The following TMC7 variants were observed in gnomAD, a reference collection of about 807,000 sequenced individuals.
The protein encoded by TMC7 is transmembrane channel-like protein 7.
In TMC7, 54 loss-of-function variants were observed where a neutral mutation model predicts 82.9. The ratio of observed to expected loss-of-function variants is 0.65; its 90% confidence interval spans 0.52 to 0.82. The LOEUF (loss-of-function observed/expected upper bound fraction) is 0.82. TMC7 is among the 40% of genes least tolerant of loss of function. The probability of loss-of-function intolerance (pLI) is 0.00; values close to 1 mark genes in which losing one functional copy is unlikely to be tolerated. For missense variants in TMC7, 820 were observed against 901.2 expected (o/e 0.91, Z 1.15); for synonymous variants, 350 against 337.9 (o/e 1.04, Z -0.39).
intron 6 of TMC7, among the ~76,000 whole-genome samples, chr16:19,033,227 GA>G (rs1222246492): frequency 1.3e-5 from 2 of 152,170 alleles, no homozygotes; most frequent in African/African-American, 2.4e-5. Flanking sequence ...GCAGGTGAAT[GA>G]AATCTTAGCA....
intron 3 of TMC7, among the ~76,000 whole-genome samples, chr16:19,018,109 G>A (rs938466211): frequency 1.3e-5 from 2 of 152,192 alleles, no homozygotes; most frequent in African/African-American, 4.8e-5. Flanking sequence ...TTGCACTCCA[G>A]CCTGGGTAAC....
chr16:18,991,647 A>T (rs941748407), intron 1 of TMC7, among the ~76,000 whole-genome samples: 5 of 152,144 alleles, frequency 3.3e-5, no homozygotes, highest in Admixed American at 3.3e-4. Flanking sequence ...CAGGTTTGTT[A>T]CATATGTATA....
chr16:19,008,017 A>G (rs2039272193), intron 1 of TMC7, among the ~76,000 whole-genome samples: 1 of 152,230 alleles, frequency 6.6e-6, no homozygotes, highest in Non-Finnish European at 1.5e-5. Flanking sequence ...TCACAAAGAC[A>G]TACAGCTAAT....
intron 1 of TMC7, among the ~76,000 whole-genome samples, chr16:18,985,201 G>A (rs888594521): frequency 5.9e-5 from 9 of 151,682 alleles, no homozygotes; most frequent in East Asian, 1.9e-4. Flanking sequence ...GGAGGTTGCA[G>A]TGAGCCGAGA....
In TMC7 at chr16:18,984,144, G is replaced by C; in HGVS notation, c.67+14G>C. On this transcript the variant is annotated intron_variant, in intron 1 of 15. Coordinates refer to ENST00000304381, the MANE Select transcript of TMC7 (RefSeq NM_024847.4). Reference sequence around the variant, plus strand: ...CGGTCCATCCAGGTAGGGCGGCAGGGAGCGCGCGCGGGGACGGTGCCCCTG... The same window carrying C: ...CGGTCCATCCAGGTAGGGCGGCAGGCAGCGCGCGCGGGGACGGTGCCCCTG... 3 of 1,491,200 alleles carry C rather than the reference G, an allele frequency of 2.0e-6. No homozygotes were observed. Among genetic ancestry groups the C allele is most frequent in the Non-Finnish European group, 2.7e-6 (3 of 1,128,328 alleles). 92.4% of individuals were successfully genotyped at this position (1,491,200 alleles called of 1,614,324 possible). A position where few individuals can be genotyped will look rare whatever the true frequency, so the allele number is the denominator to read the frequency against.
At chr16:19,056,245 C>T (rs912836071) in intron 13 of TMC7, among the ~76,000 whole-genome samples, 2 of 151,798 alleles carry the variant, frequency 1.3e-5, no homozygotes, top group African/African-American at 4.8e-5. Context: ...ACCACCATGC[C>T]CGGCTAATTT....
At chr16:18,998,066 CA>C (rs2142138636) in intron 1 of TMC7, among the ~76,000 whole-genome samples, 1 of 152,144 alleles carries the variant, frequency 6.6e-6, no homozygotes, top group East Asian at 1.9e-4. Context: ...TTTAGTAGAA[CA>C]CAGCCATGCT....
intron 1 of TMC7, among the ~76,000 whole-genome samples, chr16:19,007,500 G>A (rs559434499): frequency 7.9e-5 from 12 of 152,144 alleles, no homozygotes; most frequent in Non-Finnish European, 1.3e-4. Flanking sequence ...CTCTTCTGCC[G>A]CTGGGCCTTT....
intron 1 of TMC7, among the ~76,000 whole-genome samples, chr16:18,988,016 A>T (rs1229103427): frequency 6.6e-6 from 1 of 151,992 alleles, no homozygotes; most frequent in Non-Finnish European, 1.5e-5. Flanking sequence ...TTTTAGCTGG[A>T]CCTTGTTTTT....
intron 3 of TMC7, among the ~76,000 whole-genome samples, chr16:19,019,010 C>T (rs533448700): frequency 6.6e-6 from 1 of 152,194 alleles, no homozygotes; most frequent in East Asian, 1.9e-4. Context: ...GCCACCAGGC[C>T]GGCTAATTTT....
chr16:19,027,061 C>CTTT (rs35769515), intron 5 of TMC7, among the ~76,000 whole-genome samples: 5,058 of 56,520 alleles, frequency 0.089, 1,292 homozygotes, highest in Non-Finnish European at 0.11. Context: ...CACACCTGAC[C>CTTT]TTTTTTTTTT....
intron 3 of TMC7, among the ~76,000 whole-genome samples, chr16:19,018,656 G>A (rs1290385769): frequency 6.6e-6 from 1 of 152,068 alleles, no homozygotes; most frequent in East Asian, 1.9e-4. Flanking sequence ...TACAAAATTA[G>A]CCAGGCACAG....
At chr16:19,050,494 TC>T (rs1238770037) in intron 12 of TMC7, among the ~76,000 whole-genome samples, 4 of 151,940 alleles carry the variant, frequency 2.6e-5, no homozygotes, top group African/African-American at 9.7e-5. Context: ...CTCTCATCCT[TC>T]TTTTTTCTTT....
chr16:18,992,865 C>T (rs2038976638), intron 1 of TMC7, among the ~76,000 whole-genome samples: 1 of 152,088 alleles, frequency 6.6e-6, no homozygotes, highest in Admixed American at 6.6e-5. Context: ...ATCCTTTCCC[C>T]ATTTCTTGTT....
At chr16:19,030,157 G>A in intron 5 of TMC7, 67 bp from the exon 6 acceptor site, 1 of 1,522,270 alleles carries the variant, frequency 6.6e-7, no homozygotes, top group Non-Finnish European at 8.9e-7. Context: ...CTTGAGGCAG[G>A]GACTACTCTT....
intron 15 of TMC7, chr16:19,059,806 G>A (rs1446485871): frequency 2.1e-5 from 17 of 790,718 alleles, no homozygotes; most frequent in Non-Finnish European, 2.5e-5. Context: ...GTGAAACCCC[G>A]TCTCTACTAA....
intron 1 of TMC7, among the ~76,000 whole-genome samples, chr16:18,989,146 C>G (rs2038904388): frequency 6.6e-6 from 1 of 152,096 alleles, no homozygotes; most frequent in South Asian, 2.1e-4. Flanking sequence ...AGACAAATAA[C>G]CATTTGACCT....
chr16:19,041,910 A>C (rs1961031961), intron 9 of TMC7, among the ~76,000 whole-genome samples: 1 of 152,026 alleles, frequency 6.6e-6, no homozygotes, highest in Admixed American at 6.6e-5. Context: ...AAGAAACTGG[A>C]TCATTTTCCT....
chr16:19,014,751 T>C (rs1046899493), intron 2 of TMC7, among the ~76,000 whole-genome samples: 1 of 152,120 alleles, frequency 6.6e-6, no homozygotes, highest in Non-Finnish European at 1.5e-5. Flanking sequence ...TCAGCCTGTT[T>C]GCCTTCCCTC....
Sources: allele counts gnomAD v4.1 joint callset (sites outside exome capture counted in the v4.1 genomes callset), GRCh38; gene constraint gnomAD v4.1.1; transcripts MANE v1.5; gene names NCBI Gene and HGNC (gene_info 2026-07-23, HGNC 2026-07-21).